KIF20B: variants seen among roughly 807,000 people sequenced by gnomAD.
KIF20B encodes the protein kinesin family member 20B.
A neutral mutation model predicts 232.5 loss-of-function variants in KIF20B; 188 were observed. That is an observed-to-expected ratio of 0.81 (90% confidence interval 0.72 to 0.91). KIF20B has a LOEUF of 0.91. Among genes scored for constraint, KIF20B ranks in the 40% least tolerant of loss-of-function variants. The probability of loss-of-function intolerance (pLI) is 0.00; values close to 1 mark genes in which losing one functional copy is unlikely to be tolerated. For missense variants in KIF20B, 2,154 were observed against 2,055.9 expected, an observed-to-expected ratio of 1.05 and a Z score of -0.92; for synonymous variants, 712 against 683.0, an observed-to-expected ratio of 1.04 and a Z score of -0.66.
At chr10:89,705,910 A>G (rs1842713327) in intron 2 of KIF20B, among the ~76,000 whole-genome samples, 1 of 152,170 alleles carries the variant, frequency 6.6e-6, no homozygotes, top group African/African-American at 2.4e-5. Context: ...GATATGCCAC[A>G]TTTCCATTTG....
Position 89,774,113 on chromosome 10 carries a change from T to C in KIF20B, c.*65T>C. On this transcript the variant is annotated 3_prime_UTR_variant, in exon 33 of 33. Transcript: ENST00000371728. ...AGTCATTGGAACTTGCATCCTGTAT[T>C]GTAAATATAAATGTATATATTATGC... The C allele has an allele frequency of 1.0e-6, 1 of 979,766 alleles. No individual in the cohort carries two copies. Among genetic ancestry groups the C allele is most frequent in the Non-Finnish European group, 1.5e-6 (1 of 650,004 alleles). The allele number at this position is 979,766 out of a possible 1,614,324, so 60.7% of individuals were successfully genotyped here. A position where few individuals can be genotyped will look rare whatever the true frequency, so the allele number is the denominator to read the frequency against.
intron 18 of KIF20B, among the ~76,000 whole-genome samples, chr10:89,731,721 T>C (rs1843324470): frequency 6.6e-6 from 1 of 152,110 alleles, no homozygotes; most frequent in Non-Finnish European, 1.5e-5. Flanking sequence ...AAGGAACAAC[T>C]TGGACTTGTT....
chr10:89,772,885 T>C, intron 32 of KIF20B, 54 bp downstream of exon 32: 3 of 1,453,958 alleles, frequency 2.1e-6, no homozygotes, highest in Non-Finnish European at 2.8e-6. Context: ...TTCTTTTTAA[T>C]TTTTTACAGT....
chr10:89,733,083 C>T lies in KIF20B; in HGVS notation c.2545+27C>T, dbSNP rs778099025. 155 of 1,610,764 alleles carry T rather than the reference C, an allele frequency of 9.6e-5. No homozygotes were observed. The highest frequency in any genetic ancestry group is 1.2e-4 in the Non-Finnish European group (141 of 1,177,920). Reference sequence around the variant, plus strand: ...TACTACTTCAGCTGCCAGCAGCAGGCGTTTAAGAAAGCTAATTTCTAAACC... The same window carrying T: ...TACTACTTCAGCTGCCAGCAGCAGGTGTTTAAGAAAGCTAATTTCTAAACC... On this transcript the variant is annotated intron_variant, in intron 19 of 32. Coordinates refer to ENST00000371728, the MANE Select transcript of KIF20B (RefSeq NM_001284259.2).
intron 32 of KIF20B, 130 bp downstream of exon 32, chr10:89,772,961 C>A: frequency 1.5e-6 from 1 of 685,544 alleles, no homozygotes; most frequent in Non-Finnish European, 2.3e-6. Flanking sequence ...TTTAGTCTCA[C>A]ATGTGTTAAG....
At chr10:89,758,676 A>C (rs2133162407) in intron 26 of KIF20B, 30 bp from the exon 27 acceptor site, 1 of 1,477,664 alleles carries the variant, frequency 6.8e-7, no homozygotes, top group East Asian at 2.5e-5. Context: ...ATCAAGGTTG[A>C]TTTTAATATT....
chr10:89,716,586 G>A (rs777952325), intron 9 of KIF20B, 39 bp downstream of exon 9: 21 of 947,002 alleles, frequency 2.2e-5, no homozygotes, highest in Admixed American at 6.8e-5. Flanking sequence ...TCGAATCACC[G>A]ATAGTATTCT....
Position 89,709,992 on chromosome 10 carries a change from C to A in KIF20B, c.417C>A (p.Asp139Glu). The A allele has an allele frequency of 1.9e-6, 3 of 1,612,712 alleles. No individual in the cohort carries two copies. The highest frequency in any genetic ancestry group is 2.5e-6 in the Non-Finnish European group (3 of 1,179,368). The change falls in exon 5 of 33, where the codon GAC becomes GAA. Residue 139 changes from aspartate (D) to glutamate (E), a missense_variant. Transcript: ENST00000371728. ...FQGCIMQPVK[D>E]LLKGQSRLIF... is the part of the protein sequence containing the mutation. ...GTTGCATTATGCAACCAGTAAAAGA[C>A]CTCTTGAAAGGACAGAGTCGTCTGA...
intron 21 of KIF20B, among the ~76,000 whole-genome samples, chr10:89,739,797 T>TA (rs895328601): frequency 1.3e-5 from 2 of 152,134 alleles, no homozygotes; most frequent in African/African-American, 2.4e-5. Flanking sequence ...ATCTAAACTT[T>TA]AAAAAATATA....
intron 22 of KIF20B, among the ~76,000 whole-genome samples, chr10:89,744,666 A>G (rs1347709681): frequency 1.3e-5 from 2 of 152,106 alleles, no homozygotes; most frequent in Non-Finnish European, 2.9e-5. Context: ...GTATATGGTT[A>G]TTTTTTGCTT....
rs148400724 is a variant in KIF20B at position 89,770,011 on chromosome 10, C to T, written c.5242+1123C>T. Among the ~76,000 whole-genome samples the T allele has an allele frequency of 4.7e-3, 722 of 152,078 alleles. 3 individuals carry two copies. Among genetic ancestry groups the T allele is most frequent in the African/African-American group, 0.017 (694 of 41,490 alleles). ...TCCAAACTTTGTTGGTTCACAGTGC[C>T]CTTAATGTCTCAGTAATTAATTTCC... On this transcript the variant is annotated intron_variant, in intron 31 of 32. Coordinates refer to ENST00000371728, the MANE Select transcript of KIF20B (RefSeq NM_001284259.2).
chr10:89,728,949 A>G (rs10881642), intron 17 of KIF20B, among the ~76,000 whole-genome samples, 179 bp from the exon 18 acceptor site: 2,737 of 51,218 alleles, frequency 0.053, 74 homozygotes, highest in South Asian at 0.3. Flanking sequence ...GTGTGTGTGT[A>G]TGTAATTTTT....
At chr10:89,746,776 C>G (rs1046192074) in intron 23 of KIF20B, among the ~76,000 whole-genome samples, 2 of 152,166 alleles carry the variant, frequency 1.3e-5, no homozygotes, top group Admixed American at 6.5e-5. Flanking sequence ...CAGGTAGTTG[C>G]AATAACAACT....
rs546783682 is a variant in KIF20B, at chr10:89,705,229, A to G, written c.-1-65A>G. On this transcript the variant is annotated intron_variant, in intron 1 of 32. Transcript: ENST00000371728. ...AGGGAAGTAGTGGGCTAGACTTTTGAAAGTGTGGGTGGCTTACATGCTGAC... is the reference window on the plus strand; with the variant it reads ...AGGGAAGTAGTGGGCTAGACTTTTGGAAGTGTGGGTGGCTTACATGCTGAC... 1,889 of 1,427,722 alleles carry G rather than the reference A, an allele frequency of 1.3e-3. 17 individuals carry two copies. The African/African-American group carries it at 0.023, about 17-fold the overall frequency. 88.4% of individuals were successfully genotyped at this position (1,427,722 alleles called of 1,614,324 possible). A position where few individuals can be genotyped will look rare whatever the true frequency, so the allele number is the denominator to read the frequency against.
At chr10:89,724,688 A>G (rs988733821) in intron 14 of KIF20B, among the ~76,000 whole-genome samples, 1 of 151,506 alleles carries the variant, frequency 6.6e-6, no homozygotes, top group Admixed American at 6.6e-5. Context: ...GGCAACCTGC[A>G]CCTCCTGGGT....
In KIF20B at chr10:89,752,354, A is replaced by G. The variant is rs561570817; in HGVS notation, c.4223-213A>G. 5.3e-5 allele frequency among the ~76,000 whole-genome samples: 8 copies of G among 152,230 alleles called. No individual in the cohort carries two copies. In the East Asian group the frequency reaches 1.5e-3, roughly 29 times the overall value. Reference sequence around the variant, plus strand: ...TTATACTATACTGTGAATACTATTCATTGGATTCCTGAGAAGTCCCTGTAG... The same window carrying G: ...TTATACTATACTGTGAATACTATTCGTTGGATTCCTGAGAAGTCCCTGTAG... On this transcript the variant is annotated intron_variant, in intron 24 of 32. Transcript: ENST00000371728.
At chr10:89,707,324 G>T (rs1385312562) in intron 2 of KIF20B, among the ~76,000 whole-genome samples, 1 of 152,084 alleles carries the variant, frequency 6.6e-6, no homozygotes, top group African/African-American at 2.4e-5. Context: ...CTCCTTGTAA[G>T]TGCTCCCTCC....
At chr10:89,728,960 T>C (rs576099019) in intron 17 of KIF20B, among the ~76,000 whole-genome samples, 168 bp from the exon 18 acceptor site, 1 of 150,492 alleles carries the variant, frequency 6.6e-6, no homozygotes, top group South Asian at 2.1e-4. Flanking sequence ...TGTAATTTTT[T>C]TAAAGGCAAA....
chr10:89,739,145 T>C, intron 21 of KIF20B, 49 bp downstream of exon 21: 1 of 1,559,238 alleles, frequency 6.4e-7, no homozygotes, highest in Admixed American at 1.9e-5. Context: ...AAGATTGTTT[T>C]CCTTATATAT....
Sources: allele counts gnomAD v4.1 joint callset (sites outside exome capture counted in the v4.1 genomes callset), GRCh38; gene constraint gnomAD v4.1.1; transcripts MANE v1.5; gene names NCBI Gene and HGNC (gene_info 2026-07-23, HGNC 2026-07-21).